The following KCNJ15 variants were observed in gnomAD, a reference collection of about 807,000 sequenced individuals.
KCNJ15 encodes ATP-sensitive inward rectifier potassium channel 15.
Under a neutral mutation model 23.0 loss-of-function variants are expected in KCNJ15, and 14 were observed. That is an observed-to-expected ratio of 0.61 (90% confidence interval 0.40 to 0.95). KCNJ15 has a LOEUF of 0.95. KCNJ15 is among the 40% of genes least tolerant of loss of function. KCNJ15 has a pLI of 0.00. For synonymous variants in KCNJ15, 185 were observed against 183.2 expected (o/e 1.01, Z -0.08); for missense variants, 388 against 461.8 (o/e 0.84, Z 1.46).
chr21:38,270,660 A>G (rs1445065541), intron 1 of KCNJ15, among the ~76,000 whole-genome samples: 1 of 152,132 alleles, frequency 6.6e-6, no homozygotes, highest in African/African-American at 2.4e-5. Context: ...CCTATCACCA[A>G]AATGCCCAAC....
Position 38,306,523 on chromosome 21 carries a change from A to T in KCNJ15, c.*6134A>T, listed in dbSNP as rs1009640939. ...GAAGTTCAAAGGGAAGATTTTTTTC[A>T]TTCACTGTAGTTTTAGCTGTATTCT... On this transcript the variant is annotated 3_prime_UTR_variant, in exon 3 of 3. Coordinates refer to ENST00000398938, the MANE Select transcript of KCNJ15 (RefSeq NM_170736.3). 4 of 152,218 alleles carry T rather than the reference A, an allele frequency of 2.6e-5. No homozygotes were observed. The highest frequency in any genetic ancestry group is 4.4e-5 in the Non-Finnish European group (3 of 68,028). 9.4% of individuals were successfully genotyped at this position (152,218 alleles called of 1,614,324 possible). A position where few individuals can be genotyped will look rare whatever the true frequency, so the allele number is the denominator to read the frequency against.
intron 1 of KCNJ15, among the ~76,000 whole-genome samples, chr21:38,240,717 G>C (rs1978940207): frequency 6.6e-6 from 1 of 152,098 alleles, no homozygotes. Flanking sequence ...AATAACACTT[G>C]ACCAAACATT....
chr21:38,285,339 A>G (rs999346417), intron 1 of KCNJ15, among the ~76,000 whole-genome samples: 1 of 152,192 alleles, frequency 6.6e-6, no homozygotes, highest in Admixed American at 6.5e-5. Flanking sequence ...ACGAGCAGGC[A>G]GAGTTTTATG....
chr21:38,284,754 T>G (rs1033639770), intron 1 of KCNJ15, among the ~76,000 whole-genome samples: 1 of 152,154 alleles, frequency 6.6e-6, no homozygotes, highest in Non-Finnish European at 1.5e-5. Flanking sequence ...TGCTCCTACC[T>G]GACACTGCTT....
intron 1 of KCNJ15, among the ~76,000 whole-genome samples, chr21:38,276,107 G>A (rs1336093896): frequency 1.3e-5 from 2 of 151,796 alleles, no homozygotes; most frequent in Non-Finnish European, 2.9e-5. Flanking sequence ...AAGTGTCCAT[G>A]GGATACTGTT....
At chr21:38,263,068 G>C (rs1601168182) in intron 1 of KCNJ15, among the ~76,000 whole-genome samples, 1 of 152,176 alleles carries the variant, frequency 6.6e-6, no homozygotes, top group East Asian at 1.9e-4. Flanking sequence ...GTGATAATCT[G>C]ATTACGGAAG....
chr21:38,288,337 A>T lies in KCNJ15; in HGVS notation c.-116-8589A>T, dbSNP rs115994437. On this transcript the variant is annotated intron_variant, in intron 1 of 2. Coordinates refer to ENST00000398938, the MANE Select transcript of KCNJ15 (RefSeq NM_170736.3). ...ATTACAGGCATGAGCCACCGCGCCC[A>T]GCCATAATTTGGTTTTAAATCAAGC... 4.3e-3 allele frequency among the ~76,000 whole-genome samples: 656 copies of T among 152,056 alleles called. 5 individuals carry two copies. The highest frequency in any genetic ancestry group is 0.015 in the African/African-American group (632 of 41,506).
At chr21:38,268,421 G>A in intron 1 of KCNJ15, among the ~76,000 whole-genome samples, 1 of 74,838 alleles carries the variant, frequency 1.3e-5, no homozygotes, top group South Asian at 4.1e-4. Flanking sequence ...TGAAAGTTAT[G>A]TAGGTGGATT....
At chr21:38,239,525 C>T (rs1434939009) in intron 1 of KCNJ15, among the ~76,000 whole-genome samples, 1 of 152,116 alleles carries the variant, frequency 6.6e-6, no homozygotes, top group African/African-American at 2.4e-5. Flanking sequence ...AAAAAAATTC[C>T]ATTGCAGCTG....
chr21:38,262,720 C>T (rs1489470579), intron 1 of KCNJ15, among the ~76,000 whole-genome samples: 1 of 151,622 alleles, frequency 6.6e-6, no homozygotes, highest in African/African-American at 2.4e-5. Context: ...GGTCTGTCAC[C>T]CAGGCTGGGG....
At position 38,281,633 on chromosome 21, in the gene KCNJ15, C is replaced by T. The variant is rs77900048; in HGVS notation, c.-116-15293C>T. Among the ~76,000 whole-genome samples, 121 of 152,234 alleles carry T rather than the reference C, an allele frequency of 7.9e-4. 1 individual carries two copies. The highest frequency in any genetic ancestry group is 4.6e-3 in the East Asian group (24 of 5,186). On this transcript the variant is annotated intron_variant, in intron 1 of 2. Transcript: ENST00000398938. The stretch of plus-strand genomic sequence containing the variant: ...TTTTTTATGGCTGCATAGTATTCTG[C>T]GGTATATTTGTACAAAATTTTCTTT...
At chr21:38,281,514 C>A (rs1050659827) in intron 1 of KCNJ15, among the ~76,000 whole-genome samples, 1 of 152,150 alleles carries the variant, frequency 6.6e-6, no homozygotes, top group Admixed American at 6.5e-5. Flanking sequence ...TAAGTGAGAA[C>A]ATATGGTATT....
At chr21:38,258,294 T>C (rs754180327) in intron 1 of KCNJ15, among the ~76,000 whole-genome samples, 1 of 152,222 alleles carries the variant, frequency 6.6e-6, no homozygotes, top group Non-Finnish European at 1.5e-5. Flanking sequence ...AAAAGAAAAG[T>C]GTCCCATAAA....
intron 1 of KCNJ15, among the ~76,000 whole-genome samples, chr21:38,273,925 A>C (rs989380578): frequency 3.3e-5 from 5 of 152,274 alleles, no homozygotes; most frequent in Non-Finnish European, 5.9e-5. Flanking sequence ...AAAACTAGAC[A>C]GCAGCGTCAG....
intron 2 of KCNJ15, among the ~76,000 whole-genome samples, chr21:38,298,602 C>T (rs1343143574): frequency 6.6e-6 from 1 of 152,086 alleles, no homozygotes; most frequent in Non-Finnish European, 1.5e-5. Flanking sequence ...AGGGGGAAAA[C>T]GAATTGCTAT....
At chr21:38,235,192 T>C (rs1978519445) in intron 1 of KCNJ15, among the ~76,000 whole-genome samples, 1 of 152,248 alleles carries the variant, frequency 6.6e-6, no homozygotes, top group Non-Finnish European at 1.5e-5. Context: ...TCCATTTCTT[T>C]TTTTGTCAGA....
chr21:38,300,434 A>C lies in KCNJ15; in HGVS notation c.*45A>C. The stretch of plus-strand genomic sequence containing the variant: ...GTTTAACCCTGCAAGCTGTTTCCAC[A>C]TCAGAACTCCCTTCAAACACAAAGA... On this transcript the variant is annotated 3_prime_UTR_variant, in exon 3 of 3. Transcript: ENST00000398938. 6.6e-7 allele frequency: 1 copy of C among 1,508,886 alleles called. No homozygotes were observed. 93.5% of individuals were successfully genotyped at this position (1,508,886 alleles called of 1,614,324 possible).
At position 38,306,802 on chromosome 21, in the gene KCNJ15, A is replaced by T. The variant is rs2146365028; in HGVS notation, c.*6413A>T. ...AGTTACAAAAATAAGGCTTTTGTAA[A>T]CAGAATCTCCATTCCAGAAGGACGG... On this transcript the variant is annotated 3_prime_UTR_variant, in exon 3 of 3. Transcript: ENST00000398938. The T allele has an allele frequency of 6.6e-6, 1 of 152,350 alleles. No individual in the cohort carries two copies. The highest frequency in any genetic ancestry group is 6.5e-5 in the Admixed American group (1 of 15,304). The allele number at this position is 152,350 out of a possible 1,614,324, so 9.4% of individuals were successfully genotyped here.
rs188936929 is a variant in KCNJ15 at position 38,263,966 on chromosome 21, G to A, written c.-117+6781G>A. On this transcript the variant is annotated intron_variant, in intron 1 of 2. Transcript: ENST00000398938. Reference sequence around the variant, plus strand: ...GAAAATAAGAGTAAATGTCAAAAAGGCCATTTGATTAAATCATTTACTTAC... The same window carrying A: ...GAAAATAAGAGTAAATGTCAAAAAGACCATTTGATTAAATCATTTACTTAC... Among the ~76,000 whole-genome samples the A allele has an allele frequency of 5.5e-3, 831 of 152,040 alleles. 5 individuals carry two copies. The highest frequency in any genetic ancestry group is 0.014 in the Middle Eastern group (4 of 294).
Sources: allele counts gnomAD v4.1 joint callset (sites outside exome capture counted in the v4.1 genomes callset), GRCh38; gene constraint gnomAD v4.1.1; transcripts MANE v1.5; gene names NCBI Gene and HGNC (gene_info 2026-07-23, HGNC 2026-07-21).